The following RPL36AL variants were observed in gnomAD, a reference collection of about 807,000 sequenced individuals.
The protein encoded by RPL36AL is ribosomal protein L36a like.
A neutral mutation model predicts 7.9 loss-of-function variants in RPL36AL; 8 were observed. That is an observed-to-expected ratio of 1.02 (90% CI 0.60 to 1.84). The LOEUF (loss-of-function observed/expected upper bound fraction) is 1.84. Ranked by LOEUF, RPL36AL falls within the 40% of genes most tolerant of loss-of-function variation. The pLI is 0.00. For synonymous variants in RPL36AL, 44 were observed against 44.8 expected (o/e 0.98, Z 0.07); for missense variants, 76 against 126.8 (o/e 0.60, Z 1.93).
At position 49,618,942 on chromosome 14, in the gene RPL36AL, T is replaced by C. The variant is rs762762169; in HGVS notation, c.163A>G (p.Ile55Val). 3.7e-6 allele frequency: 6 copies of C among 1,613,796 alleles called. No homozygotes were observed. Among genetic ancestry groups the C allele is most frequent in the South Asian group, 1.1e-5 (1 of 91,060 alleles). The change falls in exon 2 of 2, where the codon ATT (isoleucine) becomes GTT (valine). Residue 55 changes from isoleucine to valine, a missense_variant. By Grantham distance (29) the Ile-to-Val change is conservative (BLOSUM62 3). Transcript: ENST00000298289. ...GTGGTCTTAGCCTTCTTCCGGAAAA[T>C]TGGCTTTGTCTGCCCACCATAGCCA... ...QSGYGGQTKP[I>V]FRKKAKTTKK...
rs1882740227 is a variant in RPL36AL at position 49,618,787 on chromosome 14, G to A, written c.318C>T (p.Phe106=). 1 of 1,610,210 alleles carries A rather than the reference G, an allele frequency of 6.2e-7. No homozygotes were observed. Among genetic ancestry groups the A allele is most frequent in the Non-Finnish European group, 8.5e-7 (1 of 1,178,488 alleles). The change falls in exon 2 of 2, where the codon TTC becomes TTT. Residue 106 remains phenylalanine, a synonymous_variant. Coordinates refer to ENST00000298289, the MANE Select transcript of RPL36AL (RefSeq NM_001001.5). The part of the protein sequence containing the change: ...DKKRKGQVIQ[F] ...TTGAAGAAAAATATCCCAAAGTTTA[G>A]AACTGGATCACTTGGCCCTTTCTCT...
intron 1 of RPL36AL, among the ~76,000 whole-genome samples, chr14:49,620,177 T>C (rs184062375): frequency 1.3e-5 from 2 of 152,346 alleles, no homozygotes; most frequent in East Asian, 1.9e-4. Flanking sequence ...CAGAGTTTCT[T>C]TGACCCCCTT....
At chr14:49,619,626 G>A (rs1241139866) in intron 1 of RPL36AL, among the ~76,000 whole-genome samples, 1 of 142,302 alleles carries the variant, frequency 7.0e-6, no homozygotes, top group Non-Finnish European at 1.5e-5. Context: ...GCGGAATTAC[G>A]TCTCAAAAAA....
At position 49,618,799 on chromosome 14, in the gene RPL36AL, T is replaced by C. The variant is rs899736152; in HGVS notation, c.306A>G (p.Gln102=). The change falls in exon 2 of 2, where the codon CAA becomes CAG. Residue 102 remains glutamine, a synonymous_variant. Transcript: ENST00000298289. ...ATCCCAAAGTTTAGAACTGGATCAC[T>C]TGGCCCTTTCTCTTCTTATCTCCTC... The part of the protein sequence containing the change: ...ELGGDKKRKG[Q]VIQF 31 of 1,611,778 alleles carry C rather than the reference T, an allele frequency of 1.9e-5. No individual in the cohort carries two copies. The highest frequency in any genetic ancestry group is 2.6e-5 in the Non-Finnish European group (31 of 1,179,518).
intron 1 of RPL36AL, 107 bp from the exon 2 acceptor site, chr14:49,619,247 T>C (rs1882758729): frequency 3.0e-6 from 2 of 660,304 alleles, no homozygotes; most frequent in Admixed American, 6.0e-5. Context: ...GAGTAATATA[T>C]AAATCCACCA....
In RPL36AL at chr14:49,620,611, G is replaced by C; in HGVS notation, c.-86C>G. 4.2e-6 allele frequency: 1 copy of C among 235,444 alleles called. No individual in the cohort carries two copies. Among genetic ancestry groups the C allele is most frequent in the Non-Finnish European group, 8.2e-6 (1 of 121,432 alleles). The allele number at this position is 235,444 out of a possible 1,614,324, so 14.6% of individuals were successfully genotyped here. A position where few individuals can be genotyped will look rare whatever the true frequency, so the allele number is the denominator to read the frequency against. ...CCCTTCGCAGCTCTCGCCTTTCGCA[G>C]CTCTCGCCTAACAGGAAAGGGAAGA... On this transcript the variant is annotated 5_prime_UTR_variant, in exon 1 of 2. Coordinates refer to ENST00000298289, the MANE Select transcript of RPL36AL (RefSeq NM_001001.5).
chr14:49,619,006 C>G lies in RPL36AL; in HGVS notation c.99G>C (p.Leu33Phe). 6.2e-7 allele frequency: 1 copy of G among 1,613,954 alleles called. No individual in the cohort carries two copies. The highest frequency in any genetic ancestry group is 8.5e-7 in the Non-Finnish European group (1 of 1,179,842). The change falls in exon 2 of 2, where the codon TTG (leucine) becomes TTC (phenylalanine). Residue 33 changes from leucine (L) to phenylalanine (F), a missense_variant. Physicochemically the swap from Leu to Phe is conservative, Grantham distance 22 (BLOSUM62 0). Coordinates refer to ENST00000298289, the MANE Select transcript of RPL36AL (RefSeq NM_001001.5). The part of the protein sequence containing the change: ...VTQYKKGKDS[L>F]YAQGRRRYDR... Reference sequence around the variant, plus strand: ...CATAGCGCCTCCTTCCCTGGGCATACAAAGAATCCTTGCCCTTCTTATACT... The same window carrying G: ...CATAGCGCCTCCTTCCCTGGGCATAGAAAGAATCCTTGCCCTTCTTATACT...
intron 1 of RPL36AL, 57 bp from the exon 2 acceptor site, chr14:49,619,197 G>A: frequency 1.7e-6 from 2 of 1,164,500 alleles, no homozygotes; most frequent in South Asian, 1.5e-5. Context: ...AAAAGTGAAA[G>A]TGCTATACAA....
Position 49,618,625 on chromosome 14 carries a change from T to C in RPL36AL, c.*159A>G, listed in dbSNP as rs1366505596. The C allele has an allele frequency of 3.3e-6, 2 of 613,982 alleles. No homozygotes were observed. Among genetic ancestry groups the C allele is most frequent in the Non-Finnish European group, 5.7e-6 (2 of 351,536 alleles). 38.0% of individuals were successfully genotyped at this position (613,982 alleles called of 1,614,324 possible). On this transcript the variant is annotated 3_prime_UTR_variant, in exon 2 of 2. Transcript: ENST00000298289. ...CTTCATACATATATAAACTTGTTAG[T>C]AAAGTTTGAGGTGGGACTACACTAA...
intron 1 of RPL36AL, among the ~76,000 whole-genome samples, chr14:49,620,174 TC>T (rs1882791296): frequency 6.6e-6 from 1 of 152,182 alleles, no homozygotes; most frequent in Admixed American, 6.5e-5. Flanking sequence ...GACCAGAGTT[TC>T]TTTGACCCCC....
chr14:49,620,405 T>A (rs1882799284), intron 1 of RPL36AL, among the ~76,000 whole-genome samples, 157 bp downstream of exon 1: 1 of 152,232 alleles, frequency 6.6e-6, no homozygotes, highest in Non-Finnish European at 1.5e-5. Flanking sequence ...CCGCCATGCC[T>A]GAGACCTTTT....
intron 1 of RPL36AL, 65 bp from the exon 2 acceptor site, chr14:49,619,205 C>A (rs1882757303): frequency 3.0e-6 from 3 of 1,009,230 alleles, no homozygotes; most frequent in Admixed American, 2.5e-5. Flanking sequence ...AAGTGCTATA[C>A]AAGTATATAC....
At chr14:49,620,164 G>A (rs1882790948) in intron 1 of RPL36AL, among the ~76,000 whole-genome samples, 1 of 152,140 alleles carries the variant, frequency 6.6e-6, no homozygotes, top group Admixed American at 6.5e-5. Flanking sequence ...GGAAGTTAAG[G>A]ACCAGAGTTT....
chr14:49,619,748 T>A (rs951893889), intron 1 of RPL36AL, among the ~76,000 whole-genome samples: 1 of 152,096 alleles, frequency 6.6e-6, no homozygotes, highest in African/African-American at 2.4e-5. Flanking sequence ...CAGTTGCAAG[T>A]GGGTTTTTAG....
At chr14:49,620,242 C>T (rs188612165) in intron 1 of RPL36AL, among the ~76,000 whole-genome samples, 116 of 152,100 alleles carry the variant, frequency 7.6e-4, no homozygotes, top group African/African-American at 2.6e-3. Flanking sequence ...GGGCAGCGCG[C>T]GACGTTGTAG....
rs755110958 is a variant in RPL36AL, at chr14:49,619,062, A to G, written c.43T>C (p.Cys15Arg). The G allele has an allele frequency of 1.2e-6, 2 of 1,613,562 alleles. No individual in the cohort carries two copies. Among genetic ancestry groups the G allele is most frequent in the Non-Finnish European group, 1.7e-6 (2 of 1,179,624 alleles). Residue 15 changes from cysteine to arginine, a missense_variant, in exon 2 of 2, where the codon TGT becomes CGT. Coordinates refer to ENST00000298289, the MANE Select transcript of RPL36AL (RefSeq NM_001001.5). ...ACTTTGTGAGGCTGATGCTTGCCAC[A>G]CTTCTTACAGAAGGTTCTTCGGGTT... ...PKTRRTFCKK[C>R]GKHQPHKVTQ... is the part of the protein sequence containing the mutation.
chr14:49,619,650 G>A (rs555866306), intron 1 of RPL36AL, among the ~76,000 whole-genome samples: 1 of 152,006 alleles, frequency 6.6e-6, no homozygotes, highest in Non-Finnish European at 1.5e-5. Flanking sequence ...AAAGAACTGA[G>A]GCACAATTCA....
Position 49,618,647 on chromosome 14 carries a change from C to G in RPL36AL, c.*137G>C. 1 of 675,968 alleles carries G rather than the reference C, an allele frequency of 1.5e-6. No homozygotes were observed. The highest frequency in any genetic ancestry group is 2.5e-6 in the Non-Finnish European group (1 of 401,018). The allele number at this position is 675,968 out of a possible 1,614,324, so 41.9% of individuals were successfully genotyped here. On this transcript the variant is annotated 3_prime_UTR_variant, in exon 2 of 2. Transcript: ENST00000298289. Reference sequence around the variant, plus strand: ...TAGTAAAGTTTGAGGTGGGACTACACTAAACATGGAATTCTATTTATAAGT... The same window carrying G: ...TAGTAAAGTTTGAGGTGGGACTACAGTAAACATGGAATTCTATTTATAAGT...
At chr14:49,619,495 A>G (rs1251149064) in intron 1 of RPL36AL, among the ~76,000 whole-genome samples, 3 of 152,148 alleles carry the variant, frequency 2.0e-5, no homozygotes, top group African/African-American at 7.2e-5. Context: ...TAAAAATACA[A>G]AATTAGCCTG....
Sources: gnomAD v4.1 joint callset for allele counts (sites outside exome capture counted in the v4.1 genomes callset) on GRCh38, gnomAD v4.1.1 for gene constraint, MANE v1.5 for transcripts, NCBI Gene and HGNC (gene_info 2026-07-23, HGNC 2026-07-21) for gene names.